DLG2: variants seen among roughly 807,000 people sequenced by gnomAD.
The protein encoded by DLG2 is discs large MAGUK scaffold protein 2.
Under a neutral mutation model 132.5 loss-of-function variants are expected in DLG2, and 45 were observed. That is an observed-to-expected ratio of 0.34 (90% CI 0.27 to 0.44). The LOEUF (loss-of-function observed/expected upper bound fraction) is 0.44. DLG2 is among the 20% of genes least tolerant of loss of function. DLG2 has a pLI of 1.00. For synonymous variants in DLG2, 424 were observed against 419.6 expected, an observed-to-expected ratio of 1.01 and a Z score of -0.13; for missense variants, 1,045 against 1,196.9, an observed-to-expected ratio of 0.87 and a Z score of 1.87.
At chr11:85,188,914 T>G (rs2080321238) in intron 4 of DLG2, among the ~76,000 whole-genome samples, 1 of 152,066 alleles carries the variant, frequency 6.6e-6, no homozygotes, top group South Asian at 2.1e-4. Context: ...GTGAAAACAC[T>G]GGGAAACAGA....
intron 6 of DLG2, among the ~76,000 whole-genome samples, chr11:84,595,614 G>A (rs2099554849): frequency 6.6e-6 from 1 of 152,166 alleles, no homozygotes; most frequent in Non-Finnish European, 1.5e-5. Context: ...AGATTTTGCG[G>A]AGAAAACACA....
At chr11:83,764,773 C>A (rs1466712545) in intron 18 of DLG2, among the ~76,000 whole-genome samples, 4 of 152,144 alleles carry the variant, frequency 2.6e-5, no homozygotes, top group African/African-American at 9.7e-5. Context: ...GTGCTTTGAT[C>A]ACTTCATTTC....
intron 3 of DLG2, among the ~76,000 whole-genome samples, chr11:85,408,815 G>GTTCCA (rs557559830): frequency 6.6e-6 from 1 of 151,468 alleles, no homozygotes; most frequent in Non-Finnish European, 1.5e-5. Context: ...ATTTGGGTTG[G>GTTCCA]TTCCAAGTCT....
chr11:84,799,922 T>C (rs1035226888), intron 6 of DLG2, among the ~76,000 whole-genome samples: 2 of 152,206 alleles, frequency 1.3e-5, no homozygotes, highest in Non-Finnish European at 2.9e-5. Context: ...ATATTAATAA[T>C]AATACTTTCC....
chr11:83,521,391 A>G (rs548039058), intron 21 of DLG2, among the ~76,000 whole-genome samples: 2 of 152,344 alleles, frequency 1.3e-5, no homozygotes, highest in Admixed American at 1.3e-4. Context: ...AGTTTACTTT[A>G]GTGACAATTT....
chr11:83,655,899 A>C (rs1048214337), intron 18 of DLG2, among the ~76,000 whole-genome samples: 1 of 152,214 alleles, frequency 6.6e-6, no homozygotes, highest in Non-Finnish European at 1.5e-5. Flanking sequence ...AGCTGTTGGC[A>C]TCACAGTGCT....
chr11:85,523,538 CT>C (rs1162921953), intron 3 of DLG2, among the ~76,000 whole-genome samples: 2 of 152,130 alleles, frequency 1.3e-5, no homozygotes, highest in African/African-American at 4.8e-5. Context: ...AAGTTATCAT[CT>C]CCCCCATTAA....
At chr11:84,260,410 A>G (rs1376423283) in intron 7 of DLG2, among the ~76,000 whole-genome samples, 1 of 152,210 alleles carries the variant, frequency 6.6e-6, no homozygotes, top group Non-Finnish European at 1.5e-5. Flanking sequence ...ACGTACTTAC[A>G]CTTAGTATAA....
intron 6 of DLG2, among the ~76,000 whole-genome samples, chr11:84,596,887 T>C (rs2099561056): frequency 6.6e-6 from 1 of 152,308 alleles, no homozygotes. Flanking sequence ...CATCAGGCAC[T>C]ATGCTAGGCA....
chr11:85,519,431 T>C (rs1299846667), intron 3 of DLG2, among the ~76,000 whole-genome samples: 2 of 152,190 alleles, frequency 1.3e-5, no homozygotes, highest in African/African-American at 2.4e-5. Context: ...ATTTCGGACT[T>C]GCATGGGGCC....
At chr11:84,830,055 TA>T (rs1222702414) in intron 6 of DLG2, among the ~76,000 whole-genome samples, 1 of 151,676 alleles carries the variant, frequency 6.6e-6, no homozygotes, top group Non-Finnish European at 1.5e-5. Context: ...TCATTATATA[TA>T]ATATACAAAT....
chr11:85,503,814 C>T (rs286534), intron 3 of DLG2, among the ~76,000 whole-genome samples: 128,554 of 151,946 alleles, frequency 0.85, 54,842 homozygotes, highest in Non-Finnish European at 0.91. Flanking sequence ...CACCTGTAGT[C>T]CCAGCTATTC....
At chr11:85,526,300 G>A (rs576561746) in intron 3 of DLG2, among the ~76,000 whole-genome samples, 29 of 152,072 alleles carry the variant, frequency 1.9e-4, no homozygotes, top group Non-Finnish European at 3.4e-4. Context: ...AAGAGTCAGA[G>A]GAAAAAAGAC....
At chr11:84,932,878 G>T (rs993068293) in intron 6 of DLG2, among the ~76,000 whole-genome samples, 2 of 152,152 alleles carry the variant, frequency 1.3e-5, no homozygotes, top group Non-Finnish European at 2.9e-5. Flanking sequence ...TACGTACCCA[G>T]TAATGGGATT....
intron 18 of DLG2, among the ~76,000 whole-genome samples, chr11:83,644,127 T>C (rs980848896): frequency 6.6e-6 from 1 of 152,150 alleles, no homozygotes; most frequent in African/African-American, 2.4e-5. Context: ...GGTCTTTCCT[T>C]CAAATACAAC....
At chr11:83,646,357 C>CAGAG (rs1555286926) in intron 18 of DLG2, among the ~76,000 whole-genome samples, 17 of 126,290 alleles carry the variant, frequency 1.3e-4, no homozygotes, top group African/African-American at 2.9e-4. Context: ...AGATATGAAA[C>CAGAG]AGAGAGAGAG....
intron 5 of DLG2, among the ~76,000 whole-genome samples, chr11:85,154,025 A>C (rs1042052284): frequency 6.6e-6 from 1 of 151,278 alleles, no homozygotes; most frequent in Non-Finnish European, 1.5e-5. Context: ...CTTCATTTTC[A>C]GGAAGCAAAA....
chr11:85,487,748 A>G (rs1442908203), intron 3 of DLG2, among the ~76,000 whole-genome samples: 1 of 152,188 alleles, frequency 6.6e-6, no homozygotes, highest in East Asian at 1.9e-4. Flanking sequence ...GACTTAGAAA[A>G]AATAATAGAT....
At chr11:85,262,374 T>C (rs942415690) in intron 4 of DLG2, among the ~76,000 whole-genome samples, 10 of 152,150 alleles carry the variant, frequency 6.6e-5, no homozygotes, top group African/African-American at 2.4e-4. Flanking sequence ...CCTAGGCCTT[T>C]CCTGGGCCTT....
Sources: allele counts gnomAD v4.1 joint callset (sites outside exome capture counted in the v4.1 genomes callset), GRCh38; gene constraint gnomAD v4.1.1; transcripts MANE v1.5; gene names NCBI Gene and HGNC (gene_info 2026-07-23, HGNC 2026-07-21).